Variants in FBP2 observed in about 807,000 individuals in gnomAD.
FBP2 encodes the protein fructose-1,6-bisphosphatase isozyme 2.
In FBP2, 27 loss-of-function variants were observed where a neutral mutation model predicts 31.6. That is an observed-to-expected ratio of 0.85 (90% CI 0.63 to 1.18). The LOEUF (loss-of-function observed/expected upper bound fraction) is 1.18, where lower values mean the gene tolerates loss of function less well. FBP2 is among the 50% of genes most tolerant of loss of function. FBP2 has a pLI of 0.00. For missense variants in FBP2, 421 were observed against 436.1 expected (o/e 0.97, Z 0.31); for synonymous variants, 168 against 179.8 (o/e 0.93, Z 0.53).
At chr9:94,586,193 G>A (rs552477622) in intron 2 of FBP2, among the ~76,000 whole-genome samples, 1 of 152,216 alleles carries the variant, frequency 6.6e-6, no homozygotes, top group South Asian at 2.1e-4. Context: ...TGGCCAACAT[G>A]GCGAAACCCC....
chr9:94,583,515 T>C (rs1205454536), intron 3 of FBP2, among the ~76,000 whole-genome samples: 2 of 152,222 alleles, frequency 1.3e-5, no homozygotes, highest in Non-Finnish European at 2.9e-5. Flanking sequence ...CAAGACTCTG[T>C]AAGAGCACGG....
chr9:94,560,182 G>A (rs73653484), intron 6 of FBP2, among the ~76,000 whole-genome samples: 14,000 of 152,162 alleles, frequency 0.092, 1,274 homozygotes, highest in African/African-American at 0.23. Context: ...GGTCCCAGCC[G>A]AGGGCAGAAA....
At chr9:94,590,801 A>G (rs901320303) in intron 1 of FBP2, among the ~76,000 whole-genome samples, 7 of 152,334 alleles carry the variant, frequency 4.6e-5, no homozygotes, top group South Asian at 2.1e-4. Flanking sequence ...GCTGATTGGT[A>G]GAGCCGAGTG....
chr9:94,578,792 G>A (rs1827342944), intron 3 of FBP2, among the ~76,000 whole-genome samples: 1 of 151,952 alleles, frequency 6.6e-6, no homozygotes. Flanking sequence ...GGTGGCTCAG[G>A]CCTGTAATCC....
At chr9:94,560,810 G>A (rs1199845526) in intron 6 of FBP2, among the ~76,000 whole-genome samples, 1 of 149,674 alleles carries the variant, frequency 6.7e-6, no homozygotes, top group Non-Finnish European at 1.5e-5. Context: ...ATATTAAGGA[G>A]AGGAACATGA....
rs35999121 is a variant in FBP2 at position 94,582,547 on chromosome 9, AT to A, written c.426+2029del. Reference sequence around the variant, plus strand: ...AGTCACATGCCACCACTCTTGGCTAATTTTTTTTTTTTTTTTTTGAGACGGA... The same window carrying A: ...AGTCACATGCCACCACTCTTGGCTAATTTTTTTTTTTTTTTTTGAGACGGA... On this transcript the variant is annotated intron_variant, in intron 3 of 6. Coordinates refer to ENST00000375337, the MANE Select transcript of FBP2 (RefSeq NM_003837.4). Among the ~76,000 whole-genome samples the A allele has an allele frequency of 2.8e-3, 366 of 132,194 alleles. 1 individual carries two copies. Among genetic ancestry groups the A allele is most frequent in the Non-Finnish European group, 4.3e-3 (270 of 63,276 alleles). 86.7% of individuals were successfully genotyped at this position (132,194 alleles called of 152,430 possible).
chr9:94,568,595 A>G (rs865807906), intron 4 of FBP2: 19 of 152,232 alleles, frequency 1.2e-4, no homozygotes, highest in African/African-American at 4.6e-4. Context: ...AAGGTTCCCA[A>G]GGAACATCAG....
At chr9:94,577,511 C>T (rs995500345) in intron 3 of FBP2, 3 of 152,204 alleles carry the variant, frequency 2.0e-5, no homozygotes, top group Non-Finnish European at 2.9e-5. Context: ...ACCTTCCTCT[C>T]TTTTCTGCCT....
In FBP2 at chr9:94,593,294, A is replaced by T. The variant is rs184763062; in HGVS notation, c.170+263T>A. On this transcript the variant is annotated intron_variant, in intron 1 of 6. Coordinates refer to ENST00000375337, the MANE Select transcript of FBP2 (RefSeq NM_003837.4). ...AACACAATACATATTTTAATGCAACAAGCCACTGCACTTGGTATCATTATA... is the reference window on the plus strand; with the variant it reads ...AACACAATACATATTTTAATGCAACTAGCCACTGCACTTGGTATCATTATA... Among the ~76,000 whole-genome samples, 305 of 152,336 alleles carry T rather than the reference A, an allele frequency of 2.0e-3. 1 individual carries two copies. The highest frequency in any genetic ancestry group is 7.1e-3 in the African/African-American group (294 of 41,560).
chr9:94,590,509 T>C (rs1226189305), intron 1 of FBP2, among the ~76,000 whole-genome samples: 1 of 152,196 alleles, frequency 6.6e-6, no homozygotes, highest in Non-Finnish European at 1.5e-5. Context: ...ACTTCAAGAA[T>C]GAAGCCGCGG....
At position 94,571,465 on chromosome 9, in the gene FBP2, G is replaced by C. The variant is rs749748809; in HGVS notation, c.564C>G (p.Asp188Glu). 2 of 1,610,592 alleles carry C rather than the reference G, an allele frequency of 1.2e-6. No homozygotes were observed. The highest frequency in any genetic ancestry group is 1.7e-6 in the Non-Finnish European group (2 of 1,178,338). The change falls in exon 4 of 7, where the codon GAC becomes GAG. Residue 188 changes from aspartate to glutamate, a missense_variant. Physicochemically the swap from Asp to Glu is conservative, Grantham distance 45. Transcript: ENST00000375337. The part of the protein sequence containing the change: ...TGQGVDLFML[D>E]PALGEFVLVE... ...TGATGCCATATTCTGTACCTACCGG[G>C]TCAAGCATGAAGAGGTCCACGCCTT...
intron 6 of FBP2, among the ~76,000 whole-genome samples, 163 bp downstream of exon 6, chr9:94,563,179 C>T (rs1420857982): frequency 6.6e-6 from 1 of 152,188 alleles, no homozygotes; most frequent in Non-Finnish European, 1.5e-5. Flanking sequence ...CCTCCCACAG[C>T]CTGGAGACTC....
chr9:94,562,226 T>C (rs1337990963), intron 6 of FBP2, among the ~76,000 whole-genome samples: 2 of 144,296 alleles, frequency 1.4e-5, no homozygotes, highest in Admixed American at 7.5e-5. Context: ...AGGAGAATGG[T>C]GTGAACCTGG....
intron 3 of FBP2, chr9:94,577,658 A>C (rs1226246663): frequency 6.6e-6 from 1 of 152,238 alleles, no homozygotes; most frequent in African/African-American, 2.4e-5. Context: ...AAAAAAACCC[A>C]AACTGCCATA....
At chr9:94,592,984 C>G (rs1165662734) in intron 1 of FBP2, among the ~76,000 whole-genome samples, 1 of 152,168 alleles carries the variant, frequency 6.6e-6, no homozygotes, top group Non-Finnish European at 1.5e-5. Flanking sequence ...ACTAGCACCT[C>G]CCGGCTTCCT....
intron 3 of FBP2, among the ~76,000 whole-genome samples, chr9:94,575,939 T>C (rs586140): frequency 0.48 from 73,432 of 152,010 alleles, 18,217 homozygotes; most frequent in East Asian, 0.61. Flanking sequence ...ACTGCAGAAG[T>C]CTTTTCTCTT....
chr9:94,587,925 T>G (rs142204866), intron 1 of FBP2, among the ~76,000 whole-genome samples: 1 of 152,128 alleles, frequency 6.6e-6, no homozygotes, highest in Non-Finnish European at 1.5e-5. Flanking sequence ...CTCTGCTCAC[T>G]GCAAGCTCCG....
At chr9:94,592,546 A>G (rs1344984325) in intron 1 of FBP2, among the ~76,000 whole-genome samples, 5 of 152,058 alleles carry the variant, frequency 3.3e-5, no homozygotes. Flanking sequence ...GTTTGTTTGT[A>G]TGTTTTGAGA....
rs537335781 is a variant in FBP2 at position 94,590,970 on chromosome 9, C to T, written c.170+2587G>A. ...TAGATACAGAGTGTCGATTGGTGCA[C>T]TCACAAACCTTGAGCTAAACACAGG... On this transcript the variant is annotated intron_variant, in intron 1 of 6. Coordinates refer to ENST00000375337, the MANE Select transcript of FBP2 (RefSeq NM_003837.4). Among the ~76,000 whole-genome samples, 23 of 151,722 alleles carry T rather than the reference C, an allele frequency of 1.5e-4. No homozygotes were observed. The East Asian group carries it at 1.6e-3, about 10-fold the overall frequency.
Sources: allele counts gnomAD v4.1 joint callset (sites outside exome capture counted in the v4.1 genomes callset), GRCh38; gene constraint gnomAD v4.1.1; transcripts MANE v1.5; gene names NCBI Gene and HGNC (gene_info 2026-07-23, HGNC 2026-07-21).